SLC38A1: variants seen among roughly 807,000 people sequenced by gnomAD.
SLC38A1 encodes the protein solute carrier family 38 member 1.
In SLC38A1, 18 loss-of-function variants were observed where a neutral mutation model predicts 60.3. The observed-to-expected ratio is 0.30, with a 90% CI of 0.21 to 0.44. The LOEUF (loss-of-function observed/expected upper bound fraction) is 0.44, where lower values mean the gene tolerates loss of function less well. SLC38A1 is among the 20% of genes least tolerant of loss of function. SLC38A1 has a pLI of 1.00. For synonymous variants in SLC38A1, 196 were observed against 212.1 expected (o/e 0.92, Z 0.66); for missense variants, 448 against 587.2 (o/e 0.76, Z 2.45).
chr12:46,263,770 G>A (rs76255612), intron 1 of SLC38A1, among the ~76,000 whole-genome samples: 53 of 152,220 alleles, frequency 3.5e-4, no homozygotes, highest in Non-Finnish European at 5.6e-4. Flanking sequence ...CTGGACAGGC[G>A]TCTATGCCTG....
intron 1 of SLC38A1, among the ~76,000 whole-genome samples, chr12:46,257,757 G>A (rs959564177): frequency 3.9e-5 from 6 of 152,052 alleles, no homozygotes; most frequent in Admixed American, 2.6e-4. Context: ...TTCCACAGTC[G>A]CCAGAAAGAT....
At chr12:46,257,744 C>T (rs1942077736) in intron 1 of SLC38A1, among the ~76,000 whole-genome samples, 1 of 152,132 alleles carries the variant, frequency 6.6e-6, no homozygotes. Context: ...TCACAATAGT[C>T]GCTTCCACAG....
intron 13 of SLC38A1, among the ~76,000 whole-genome samples, chr12:46,200,326 T>C (rs532865487): frequency 6.6e-6 from 1 of 151,918 alleles, no homozygotes; most frequent in East Asian, 1.9e-4. Context: ...TGAAAAAAAG[T>C]CCCAAAGAAT....
chr12:46,246,015 T>C (rs1941602392), intron 1 of SLC38A1, among the ~76,000 whole-genome samples: 1 of 152,200 alleles, frequency 6.6e-6, no homozygotes, highest in South Asian at 2.1e-4. Context: ...AAATATTATT[T>C]CTTGATCTCT....
chr12:46,221,238 A>G (rs1256491631), intron 5 of SLC38A1, among the ~76,000 whole-genome samples: 1 of 152,172 alleles, frequency 6.6e-6, no homozygotes, highest in Non-Finnish European at 1.5e-5. Context: ...CAGAGAATTC[A>G]CCTACAATTA....
Position 46,239,857 on chromosome 12 carries a change from AT to A in SLC38A1, c.-58del. The A allele has an allele frequency of 6.3e-7, 1 of 1,584,814 alleles. No homozygotes were observed. Among genetic ancestry groups the A allele is most frequent in the Middle Eastern group, 2.3e-4 (1 of 4,408 alleles). On this transcript the variant is annotated 5_prime_UTR_variant, in exon 3 of 17. Transcript: ENST00000398637. Reference sequence around the variant, plus strand: ...TCCAAATTTCTCCTGTTCTGAGTGTATTTAGAAGTAGATACCAAAATGGAAG... The same window carrying A: ...TCCAAATTTCTCCTGTTCTGAGTGTATTAGAAGTAGATACCAAAATGGAAG...
chr12:46,255,574 T>A (rs1234698265), intron 1 of SLC38A1, among the ~76,000 whole-genome samples: 1 of 152,228 alleles, frequency 6.6e-6, no homozygotes, highest in Non-Finnish European at 1.5e-5. Context: ...TACCTTCTTA[T>A]AATCTTTCAC....
chr12:46,256,011 C>CA (rs1942007321), intron 1 of SLC38A1, among the ~76,000 whole-genome samples: 1 of 151,710 alleles, frequency 6.6e-6, no homozygotes, highest in Non-Finnish European at 1.5e-5. Flanking sequence ...ACTAAAAATA[C>CA]AAAAAATTAG....
At chr12:46,232,561 G>T (rs1941116344) in intron 3 of SLC38A1, among the ~76,000 whole-genome samples, 1 of 152,206 alleles carries the variant, frequency 6.6e-6, no homozygotes. Context: ...AGAATGGCAG[G>T]GGAAAGCAGC....
At chr12:46,217,922 C>G (rs746202603) in intron 5 of SLC38A1, among the ~76,000 whole-genome samples, 1 of 152,184 alleles carries the variant, frequency 6.6e-6, no homozygotes, top group Admixed American at 6.5e-5. Context: ...TTTTCTTAAA[C>G]TAGCCTCACT....
At chr12:46,261,777 A>T (rs905643203) in intron 1 of SLC38A1, among the ~76,000 whole-genome samples, 1 of 152,236 alleles carries the variant, frequency 6.6e-6, no homozygotes, top group African/African-American at 2.4e-5. Context: ...AATTCTTGGC[A>T]TGATTTCTAA....
intron 13 of SLC38A1, 68 bp downstream of exon 13, chr12:46,201,030 T>C (rs1419880110): frequency 8.6e-7 from 1 of 1,168,076 alleles, no homozygotes; most frequent in Non-Finnish European, 1.2e-6. Flanking sequence ...TTAAAAGTTA[T>C]TTCAACACTA....
At chr12:46,267,181 C>T (rs1942378542) in intron 1 of SLC38A1, 1 of 152,182 alleles carries the variant, frequency 6.6e-6, no homozygotes, top group Non-Finnish European at 1.5e-5. Context: ...ATGTAAAAAC[C>T]CACTGCAGAG....
At chr12:46,228,487 C>T (rs1016187491) in intron 5 of SLC38A1, among the ~76,000 whole-genome samples, 2 of 152,204 alleles carry the variant, frequency 1.3e-5, no homozygotes, top group Admixed American at 1.3e-4. Flanking sequence ...ACCACTGACA[C>T]TCGTGTGACA....
intron 16 of SLC38A1, among the ~76,000 whole-genome samples, chr12:46,194,938 A>G (rs1939299573): frequency 6.6e-6 from 1 of 152,156 alleles, no homozygotes. Context: ...ACTTCTGTCA[A>G]CTTGTCAAAC....
chr12:46,187,201 A>G lies in SLC38A1; in HGVS notation c.*1769T>C, dbSNP rs981210103. The G allele has an allele frequency of 7.2e-5, 11 of 152,136 alleles. No homozygotes were observed. The highest frequency in any genetic ancestry group is 2.6e-4 in the Admixed American group (4 of 15,272). The allele number at this position is 152,136 out of a possible 1,614,324, so 9.4% of individuals were successfully genotyped here. A position where few individuals can be genotyped will look rare whatever the true frequency, so the allele number is the denominator to read the frequency against. ...AGGTGCTTCAATGCCTGCCTTATCT[A>G]TGGGACAGTAGTGTGATTCTCAGTG... On this transcript the variant is annotated 3_prime_UTR_variant, in exon 17 of 17. Coordinates refer to ENST00000398637, the MANE Select transcript of SLC38A1 (RefSeq NM_030674.4).
chr12:46,208,169 A>G (rs1322618757), intron 6 of SLC38A1, among the ~76,000 whole-genome samples: 1 of 152,250 alleles, frequency 6.6e-6, no homozygotes, highest in Non-Finnish European at 1.5e-5. Context: ...AATGTAGTTC[A>G]AATACATGCA....
chr12:46,241,677 C>A (rs1455103645), intron 2 of SLC38A1, among the ~76,000 whole-genome samples: 2 of 152,158 alleles, frequency 1.3e-5, no homozygotes, highest in African/African-American at 2.4e-5. Context: ...TGATGTTTTA[C>A]CATCTGCCTT....
intron 7 of SLC38A1, 97 bp downstream of exon 7, chr12:46,207,432 G>C: frequency 3.2e-6 from 4 of 1,234,816 alleles, no homozygotes; most frequent in Non-Finnish European, 4.7e-6. Context: ...TTTTAGCAAT[G>C]AGGATGATAA....
Sources: allele counts gnomAD v4.1 joint callset (sites outside exome capture counted in the v4.1 genomes callset), GRCh38; gene constraint gnomAD v4.1.1; transcripts MANE v1.5; gene names NCBI Gene and HGNC (gene_info 2026-07-23, HGNC 2026-07-21).